SHANK2: variants seen among roughly 807,000 people sequenced by gnomAD.
SHANK2 encodes the protein SH3 and multiple ankyrin repeat domains 2, also known as SH3 and multiple ankyrin repeat domains protein 2.
In SHANK2, 43 loss-of-function variants were observed where a neutral mutation model predicts 133.7. The observed-to-expected ratio is 0.32, with a 90% confidence interval of 0.25 to 0.41. The LOEUF (loss-of-function observed/expected upper bound fraction) is 0.41. Among genes scored for constraint, SHANK2 ranks in the 10% least tolerant of loss-of-function variants. The pLI, the probability that SHANK2 is intolerant of heterozygous loss-of-function variation, is 1.00. For missense variants in SHANK2, 1,994 were observed against 2,235.8 expected (o/e 0.89, Z 2.18); for synonymous variants, 1,017 against 952.8 (o/e 1.07, Z -1.24).
intron 17 of SHANK2, among the ~76,000 whole-genome samples, chr11:70,599,114 A>G (rs191351839): frequency 8.1e-4 from 123 of 152,322 alleles, no homozygotes; most frequent in African/African-American, 2.9e-3. Context: ...ATGAGAATTA[A>G]TAAGAGAATT....
intron 2 of SHANK2, among the ~76,000 whole-genome samples, chr11:71,220,850 C>T (rs759383997): frequency 3.9e-5 from 6 of 152,158 alleles, no homozygotes; most frequent in Middle Eastern, 3.4e-3. Context: ...CGGTTGGTGG[C>T]GATGGTTGCA....
intron 2 of SHANK2, among the ~76,000 whole-genome samples, chr11:71,174,354 CA>C (rs1953377655): frequency 6.6e-6 from 1 of 152,002 alleles, no homozygotes; most frequent in Non-Finnish European, 1.5e-5. Flanking sequence ...AGCCAGACAA[CA>C]GGGCAACGTT....
At chr11:71,158,226 TTAAA>T (rs1159218879) in intron 2 of SHANK2, among the ~76,000 whole-genome samples, 7 of 151,904 alleles carry the variant, frequency 4.6e-5, no homozygotes, top group African/African-American at 1.7e-4. Flanking sequence ...TAGGGACAAA[TTAAA>T]TAATGTGTAA....
In SHANK2 at chr11:70,489,348, T is replaced by G; in HGVS notation, c.2552A>C (p.Asp851Ala). ...CTAACCTGATAGAAAGATTCTGCTG[T>G]CTGACAGGAGGAAATCAGTTGTTAT... ...RGTMRRQKSI[D>A]SRIFLSGITE... The change falls in exon 24 of 26, where the codon GAC (aspartate) becomes GCC (alanine). Residue 851 changes from aspartate (D) to alanine (A), a missense_variant and splice_region_variant. Coordinates refer to ENST00000601538, the MANE Select transcript of SHANK2 (RefSeq NM_012309.5). The G allele has an allele frequency of 6.2e-7, 1 of 1,613,934 alleles. No individual in the cohort carries two copies. Among genetic ancestry groups the G allele is most frequent in the Non-Finnish European group, 8.5e-7 (1 of 1,179,816 alleles).
intron 6 of SHANK2, among the ~76,000 whole-genome samples, chr11:71,105,178 G>A (rs1156339895): frequency 6.6e-6 from 1 of 152,134 alleles, no homozygotes; most frequent in Non-Finnish European, 1.5e-5. Flanking sequence ...GCTGTGAAAG[G>A]GCCTGGAGGC....
intron 17 of SHANK2, chr11:70,570,721 GGGGA>G: frequency 1.1e-5 from 1 of 87,936 alleles, no homozygotes. Flanking sequence ...GTACTGGAGT[GGGGA>G]GTGGGGAGTG....
chr11:71,082,190 C>T (rs1446957691), intron 8 of SHANK2, among the ~76,000 whole-genome samples: 3 of 152,246 alleles, frequency 2.0e-5, no homozygotes, highest in African/African-American at 7.2e-5. Context: ...CTGGCTGGCA[C>T]TGTGGAGCTC....
At chr11:70,548,994 G>A (rs1248609554) in intron 17 of SHANK2, among the ~76,000 whole-genome samples, 3 of 152,042 alleles carry the variant, frequency 2.0e-5, no homozygotes, top group Non-Finnish European at 4.4e-5. Flanking sequence ...AGGGCCTTCC[G>A]GGAAAGCATG....
At chr11:70,913,523 AAGGAGAAGGG>A (rs1393433828) in intron 10 of SHANK2, among the ~76,000 whole-genome samples, 1 of 152,220 alleles carries the variant, frequency 6.6e-6, no homozygotes, top group Admixed American at 6.5e-5. Context: ...CAAACAGAGA[AAGGAGAAGGG>A]AGGGAGACCA....
chr11:70,539,492 G>A (rs942881960), intron 17 of SHANK2, among the ~76,000 whole-genome samples: 10 of 150,136 alleles, frequency 6.7e-5, no homozygotes, highest in Non-Finnish European at 1.3e-4. Flanking sequence ...AAGCTCACTC[G>A]CCACGCTCAC....
At chr11:70,672,073 T>C (rs1448356205) in intron 15 of SHANK2, among the ~76,000 whole-genome samples, 1 of 150,724 alleles carries the variant, frequency 6.6e-6, no homozygotes, top group Non-Finnish European at 1.5e-5. Flanking sequence ...TTTCTTTTTT[T>C]TTTTTTTTTA....
intron 11 of SHANK2, among the ~76,000 whole-genome samples, chr11:70,880,046 G>A (rs1336733505): frequency 2.0e-5 from 3 of 152,202 alleles, no homozygotes; most frequent in African/African-American, 7.2e-5. Flanking sequence ...TCTCCAGTGC[G>A]AGGCCCAGGG....
Position 70,882,214 on chromosome 11 carries a change from G to C in SHANK2, c.1174+14287C>G, listed in dbSNP as rs782783387. ...GGGGAAAGGGAAGGAATGAGCAAGG[G>C]AGAAGGAAGTGGAGGAGAGAAGAAC... On this transcript the variant is annotated intron_variant, in intron 11 of 25. Transcript: ENST00000601538. The surrounding 1 kb of genome is among the most constrained non-coding windows in gnomAD (Gnocchi z 4.2). 1.1e-4 allele frequency among the ~76,000 whole-genome samples: 16 copies of C among 152,266 alleles called. No individual in the cohort carries two copies. Among genetic ancestry groups the C allele is most frequent in the South Asian group, 6.2e-4 (3 of 4,826 alleles).
chr11:70,919,302 T>C (rs1420802908), intron 10 of SHANK2, among the ~76,000 whole-genome samples: 3 of 152,114 alleles, frequency 2.0e-5, no homozygotes, highest in Non-Finnish European at 4.4e-5. Flanking sequence ...CTCTCTCAGC[T>C]ATTCAAGTAT....
chr11:70,691,465 C>T (rs1555021016), intron 15 of SHANK2, among the ~76,000 whole-genome samples: 1 of 152,184 alleles, frequency 6.6e-6, no homozygotes, highest in African/African-American at 2.4e-5. Context: ...CGGCCACCAT[C>T]TTTACCATGC....
At chr11:70,502,682 G>A in intron 18 of SHANK2, 114 bp downstream of exon 18, 1 of 1,249,268 alleles carries the variant, frequency 8.0e-7, no homozygotes, top group South Asian at 1.4e-5. Context: ...TGGGCTCTCA[G>A]AAGTGTGGGA....
At chr11:71,207,715 C>A (rs551153236) in intron 2 of SHANK2, among the ~76,000 whole-genome samples, 7 of 152,322 alleles carry the variant, frequency 4.6e-5, no homozygotes, top group African/African-American at 1.7e-4. Flanking sequence ...GGGCCAGCTG[C>A]CCCGTGTGAC....
chr11:71,238,712 A>G (rs1297492578), intron 1 of SHANK2, among the ~76,000 whole-genome samples: 1 of 152,180 alleles, frequency 6.6e-6, no homozygotes, highest in African/African-American at 2.4e-5. Context: ...GTGACACTCA[A>G]CTCTGCTGGG....
intron 12 of SHANK2, among the ~76,000 whole-genome samples, chr11:70,814,517 G>A (rs1235612497): frequency 6.6e-6 from 1 of 152,140 alleles, no homozygotes; most frequent in African/African-American, 2.4e-5. Context: ...AGTGTCCCTG[G>A]GCGGCCAAGG....
Sources: allele counts gnomAD v4.1 joint callset (sites outside exome capture counted in the v4.1 genomes callset), GRCh38; gene constraint gnomAD v4.1.1; non-coding constraint Gnocchi (gnomAD v3.1); transcripts MANE v1.5; gene names NCBI Gene and HGNC (gene_info 2026-07-23, HGNC 2026-07-21).